RNF2: variants seen among roughly 807,000 people sequenced by gnomAD.
RNF2 encodes ring finger protein 2, also known as E3 ubiquitin-protein ligase RING2.
In RNF2, 6 loss-of-function variants were observed where a neutral mutation model predicts 37.2. That is an observed-to-expected ratio of 0.16 (90% CI 0.09 to 0.32). The LOEUF (loss-of-function observed/expected upper bound fraction) is 0.32. Among genes scored for constraint, RNF2 ranks in the 10% least tolerant of loss-of-function variants. The pLI is 1.00. For missense variants in RNF2, 251 were observed against 404.0 expected (o/e 0.62, Z 3.25); for synonymous variants, 133 against 132.7 (o/e 1.00, Z -0.02).
At chr1:185,066,523 T>C (rs535584487) in intron 1 of RNF2, among the ~76,000 whole-genome samples, 3 of 152,352 alleles carry the variant, frequency 2.0e-5, no homozygotes, top group African/African-American at 4.8e-5. Flanking sequence ...ATTTATGCCT[T>C]CTTAGCATTT....
chr1:185,080,399 A>G (rs1333104990), intron 1 of RNF2, among the ~76,000 whole-genome samples: 2 of 152,218 alleles, frequency 1.3e-5, no homozygotes, highest in Non-Finnish European at 2.9e-5. Flanking sequence ...GGGTGAATTT[A>G]GATTAAATTT....
chr1:185,097,990 T>G, intron 4 of RNF2, 82 bp from the exon 5 acceptor site: 1 of 1,480,426 alleles, frequency 6.8e-7, no homozygotes, highest in Non-Finnish European at 9.1e-7. Flanking sequence ...AATTCTAAAG[T>G]TCAGTAGCAA....
intron 1 of RNF2, among the ~76,000 whole-genome samples, chr1:185,069,568 C>T (rs1056169567): frequency 1.3e-5 from 2 of 151,912 alleles, no homozygotes; most frequent in African/African-American, 4.8e-5. Flanking sequence ...TCACTTGAGA[C>T]TGGTTTATTG....
chr1:185,055,906 G>A (rs1043071190), intron 1 of RNF2, among the ~76,000 whole-genome samples: 13 of 152,094 alleles, frequency 8.5e-5, no homozygotes, highest in African/African-American at 2.9e-4. Context: ...TAGTGCAAAA[G>A]TGCTTTTTTT....
intron 1 of RNF2, among the ~76,000 whole-genome samples, chr1:185,059,731 C>T (rs376435309): frequency 4.6e-5 from 7 of 152,178 alleles, no homozygotes; most frequent in African/African-American, 1.4e-4. Context: ...CCATTAAGCA[C>T]GTTAATAGCA....
intron 1 of RNF2, among the ~76,000 whole-genome samples, chr1:185,051,962 A>G (rs1323116696): frequency 1.3e-5 from 2 of 149,592 alleles, no homozygotes; most frequent in African/African-American, 2.4e-5. Flanking sequence ...ACATATATAT[A>G]TATATATGCA....
At chr1:185,086,143 C>T (rs891077356) in intron 1 of RNF2, among the ~76,000 whole-genome samples, 1 of 152,152 alleles carries the variant, frequency 6.6e-6, no homozygotes, top group African/African-American at 2.4e-5. Flanking sequence ...ACCAAAGCCT[C>T]CTTAACTCCT....
In RNF2 at chr1:185,102,168, A is replaced by G. The variant is rs1652096569; in HGVS notation, c.*1867A>G. On this transcript the variant is annotated 3_prime_UTR_variant, in exon 7 of 7. Transcript: ENST00000367510. ...AGTATGGGAGGATATAAACTGCATC[A>G]TTAGTGAAATTATTGGTTGTGTAAT... The G allele has an allele frequency of 2.0e-5, 3 of 152,494 alleles. No individual in the cohort carries two copies. In the South Asian group the frequency reaches 6.2e-4, roughly 32 times the overall value. 9.4% of individuals were successfully genotyped at this position (152,494 alleles called of 1,614,324 possible).
intron 1 of RNF2, among the ~76,000 whole-genome samples, chr1:185,075,937 A>G (rs933684229): frequency 1.3e-5 from 2 of 152,154 alleles, no homozygotes; most frequent in Admixed American, 6.5e-5. Context: ...TTGATTTGCA[A>G]TTTACTGATT....
chr1:185,072,859 G>T (rs1290328758), intron 1 of RNF2, among the ~76,000 whole-genome samples: 1 of 152,104 alleles, frequency 6.6e-6, no homozygotes, highest in Non-Finnish European at 1.5e-5. Context: ...AGAATCGCTT[G>T]AACCCACGAG....
Position 185,098,116 on chromosome 1 carries a change from C to G in RNF2, c.509C>G (p.Ala170Gly), listed in dbSNP as rs753614736. The G allele has an allele frequency of 2.5e-6, 4 of 1,614,062 alleles. No homozygotes were observed. In the Admixed American group the frequency reaches 6.7e-5, roughly 27 times the overall value. Reference sequence around the variant, plus strand: ...CAACAGATTGAAAATGGTAGTGGAGCAGAAGATAATGGTGACAGTTCACAC... The same window carrying G: ...CAACAGATTGAAAATGGTAGTGGAGGAGAAGATAATGGTGACAGTTCACAC... ...KKQQIENGSGAEDNGDSSHCS... is the reference protein window; with the variant it reads ...KKQQIENGSGGEDNGDSSHCS... Residue 170 changes from alanine (A) to glycine (G), a missense_variant, in exon 5 of 7, where the codon GCA (alanine) becomes GGA (glycine). By Grantham distance (60) the Ala-to-Gly change is moderately conservative (BLOSUM62 0). This residue lies in a region of RNF2 where 94 missense variants were observed against 99.2 expected (regional missense o/e 0.95). Coordinates refer to ENST00000367510, the MANE Select transcript of RNF2 (RefSeq NM_007212.4).
intron 1 of RNF2, among the ~76,000 whole-genome samples, chr1:185,080,578 CA>C (rs1379231538): frequency 1.3e-5 from 2 of 152,116 alleles, no homozygotes; most frequent in Non-Finnish European, 2.9e-5. Flanking sequence ...AGGTAGCATC[CA>C]TGTGGTAGTA....
At chr1:185,055,345 A>T (rs956301334) in intron 1 of RNF2, among the ~76,000 whole-genome samples, 22 of 152,000 alleles carry the variant, frequency 1.4e-4, no homozygotes, top group African/African-American at 5.3e-4. Context: ...AAAGTTTTAG[A>T]TTTTCTTATT....
intron 1 of RNF2, among the ~76,000 whole-genome samples, chr1:185,051,407 TA>T (rs1050190066): frequency 5.9e-5 from 9 of 151,770 alleles, no homozygotes; most frequent in Non-Finnish European, 1.2e-4. Flanking sequence ...TTTCTTTTGT[TA>T]AAAAAAATAA....
intron 1 of RNF2, among the ~76,000 whole-genome samples, chr1:185,082,345 C>CTTTTTTGTTTTTTTTTTTGTTT (rs1651443682): frequency 2.6e-4 from 19 of 71,986 alleles, no homozygotes; most frequent in South Asian, 2.1e-3. Flanking sequence ...CTCTGCAGAA[C>CTTTTTTGTTTTTTTTTTTGTTT]TTTTTTTTTT....
chr1:185,051,400 CT>C (rs1289143363), intron 1 of RNF2, among the ~76,000 whole-genome samples: 1 of 151,992 alleles, frequency 6.6e-6, no homozygotes, highest in Non-Finnish European at 1.5e-5. Context: ...AGTCTCTTTT[CT>C]TTTGTTAAAA....
At chr1:185,074,627 A>AGTC (rs1394478655) in intron 1 of RNF2, among the ~76,000 whole-genome samples, 1 of 152,154 alleles carries the variant, frequency 6.6e-6, no homozygotes, top group African/African-American at 2.4e-5. Flanking sequence ...GACCAGATAC[A>AGTC]GTCTGCCTTC....
Position 185,100,522 on chromosome 1 carries a change from A to AT in RNF2, c.*221_*222insT. 1 of 345,264 alleles carries AT rather than the reference A, an allele frequency of 2.9e-6. No homozygotes were observed. The highest frequency in any genetic ancestry group is 1.5e-4 in the South Asian group (1 of 6,708). 21.4% of individuals were successfully genotyped at this position (345,264 alleles called of 1,614,324 possible). On this transcript the variant is annotated 3_prime_UTR_variant, in exon 7 of 7. Coordinates refer to ENST00000367510, the MANE Select transcript of RNF2 (RefSeq NM_007212.4). ...AGTATTTTTTTCTTTCCTTTAAAAA[A>AT]ATATATCTGAAGTTTCTTGTGTTTT...
Position 185,098,267 on chromosome 1 carries a change from G to C in RNF2, c.660G>C (p.Met220Ile). 1.2e-6 allele frequency: 2 copies of C among 1,614,142 alleles called. No homozygotes were observed. The highest frequency in any genetic ancestry group is 2.7e-5 in the African/African-American group (2 of 75,044). ...NNAAMAIDPV[M>I]DGASEIELVF... ...CAGCAATGGCAATTGATCCAGTAATGGATGGTGCTAGTGAAATTGAATTAG... is the reference window on the plus strand; with the variant it reads ...CAGCAATGGCAATTGATCCAGTAATCGATGGTGCTAGTGAAATTGAATTAG... The change falls in exon 5 of 7, where the codon ATG becomes ATC. Residue 220 changes from methionine (M) to isoleucine (I), a missense_variant. Transcript: ENST00000367510.
Sources: gnomAD v4.1 joint callset for allele counts (sites outside exome capture counted in the v4.1 genomes callset) on GRCh38, gnomAD v4.1.1 for gene constraint, gnomAD v4.1.1 regional missense constraint, MANE v1.5 for transcripts, NCBI Gene and HGNC (gene_info 2026-07-23, HGNC 2026-07-21) for gene names.